Variants in KCNJ4 observed in about 807,000 individuals in gnomAD.
The protein encoded by KCNJ4 is potassium inwardly rectifying channel subfamily J member 4, also known as inward rectifier potassium channel 4.
A neutral mutation model predicts 25.6 loss-of-function variants in KCNJ4; 3 were observed. That is an observed-to-expected ratio of 0.12 (90% CI 0.05 to 0.30). The LOEUF (loss-of-function observed/expected upper bound fraction) is 0.30, where lower values mean the gene tolerates loss of function less well. Ranked by LOEUF, KCNJ4 falls within the 10% of genes least tolerant of loss-of-function variation. KCNJ4 has a pLI of 1.00. For synonymous variants in KCNJ4, 257 were observed against 283.9 expected, an observed-to-expected ratio of 0.91 and a Z score of 0.95; for missense variants, 286 against 666.8, an observed-to-expected ratio of 0.43 and a Z score of 6.29.
intron 1 of KCNJ4, among the ~76,000 whole-genome samples, chr22:38,445,023 C>G (rs974359100): frequency 3.9e-5 from 6 of 152,118 alleles, no homozygotes; most frequent in Non-Finnish European, 7.3e-5. Context: ...AAGTCACAAA[C>G]CGGCTTTGCT....
At chr22:38,428,274 C>T (rs1375436638) in intron 1 of KCNJ4, 103 bp from the exon 2 acceptor site, 6 of 1,108,296 alleles carry the variant, frequency 5.4e-6, no homozygotes, top group Non-Finnish European at 7.7e-6. Context: ...TGAGCCTGGA[C>T]CAGGACCTAA....
chr22:38,446,191 GC>G (rs2089373337), intron 1 of KCNJ4, among the ~76,000 whole-genome samples: 1 of 152,242 alleles, frequency 6.6e-6, no homozygotes, highest in South Asian at 2.1e-4. Flanking sequence ...TGATGTAGCT[GC>G]TAAGTGGGGC....
chr22:38,434,639 A>G (rs1229512688), intron 1 of KCNJ4, among the ~76,000 whole-genome samples: 1 of 151,970 alleles, frequency 6.6e-6, no homozygotes, highest in African/African-American at 2.4e-5. Context: ...CACCCTGCTC[A>G]ACCTGGGACC....
chr22:38,447,510 G>T (rs1342534476), intron 1 of KCNJ4, among the ~76,000 whole-genome samples: 1 of 152,152 alleles, frequency 6.6e-6, no homozygotes, highest in African/African-American at 2.4e-5. Context: ...CTCCCAGGCT[G>T]AGTGGTACCT....
intron 1 of KCNJ4, among the ~76,000 whole-genome samples, chr22:38,439,435 T>C (rs1252364982): frequency 6.8e-6 from 1 of 146,510 alleles, no homozygotes; most frequent in African/African-American, 2.5e-5. Flanking sequence ...CCGTCTCAAA[T>C]AAATAAAATA....
rs112128641 is a variant in KCNJ4 at position 38,427,575 on chromosome 22, C to A, written c.558G>T (p.Leu186=). The A allele has an allele frequency of 7.5e-5, 121 of 1,611,380 alleles. No individual in the cohort carries two copies. The highest frequency in any genetic ancestry group is 9.5e-5 in the Non-Finnish European group (112 of 1,178,430). ...CCGAAATGACCGCGTGGTGGCTGAA[C>A]AGCAACGTCTGCGCCCGCTTCTTGG... is the stretch of plus-strand genomic sequence containing the variant. ...ARPKKRAQTL[L]FSHHAVISVR... is the part of the protein sequence containing the mutation. The change falls in exon 2 of 2, where the codon CTG becomes CTT. Residue 186 remains leucine (L), a synonymous_variant. Transcript: ENST00000303592.
intron 1 of KCNJ4, among the ~76,000 whole-genome samples, chr22:38,448,086 A>G (rs1164897158): frequency 6.6e-6 from 1 of 150,456 alleles, no homozygotes; most frequent in East Asian, 1.9e-4. Context: ...AAAAGAAAAG[A>G]AAAGAAAAAA....
At chr22:38,445,840 G>A (rs2089370622) in intron 1 of KCNJ4, among the ~76,000 whole-genome samples, 1 of 152,194 alleles carries the variant, frequency 6.6e-6, no homozygotes, top group East Asian at 1.9e-4. Context: ...GTTAGGAGCG[G>A]TGAAATGGGA....
At chr22:38,433,456 A>G (rs2093056225) in intron 1 of KCNJ4, among the ~76,000 whole-genome samples, 1 of 152,228 alleles carries the variant, frequency 6.6e-6, no homozygotes, top group Admixed American at 6.6e-5. Context: ...CAAAAAATAA[A>G]TAAATAAAAA....
chr22:38,454,609 C>A (rs1031289572), intron 1 of KCNJ4, among the ~76,000 whole-genome samples: 1 of 152,090 alleles, frequency 6.6e-6, no homozygotes, highest in African/African-American at 2.4e-5. Flanking sequence ...GGCGGAAAGG[C>A]GGCATCCCCC....
intron 1 of KCNJ4, among the ~76,000 whole-genome samples, chr22:38,454,169 C>A (rs1484378311): frequency 6.6e-6 from 1 of 152,182 alleles, no homozygotes; most frequent in African/African-American, 2.4e-5. Flanking sequence ...GCTCTTGAGG[C>A]CCTGCTCTGT....
In KCNJ4 at chr22:38,443,281, C is replaced by T. The variant is rs2089350100; in HGVS notation, c.-40+11699G>A. ...TGCAGTGCCCAGCTCCGCCATCCCACCTCCCTTCTCTTCTCCCCAGTCCTG... is the reference window on the plus strand; with the variant it reads ...TGCAGTGCCCAGCTCCGCCATCCCATCTCCCTTCTCTTCTCCCCAGTCCTG... On this transcript the variant is annotated intron_variant, in intron 1 of 1. Coordinates refer to ENST00000303592, the MANE Select transcript of KCNJ4 (RefSeq NM_152868.3). This position sits in a 1 kb window ranked among gnomAD's most constrained non-coding sequence, Gnocchi z 4.1. 6.6e-6 allele frequency among the ~76,000 whole-genome samples: 1 copy of T among 152,144 alleles called. No individual in the cohort carries two copies. Among genetic ancestry groups the T allele is most frequent in the African/African-American group, 2.4e-5 (1 of 41,420 alleles).
intron 1 of KCNJ4, among the ~76,000 whole-genome samples, chr22:38,434,648 C>A (rs755793493): frequency 1.3e-5 from 2 of 152,108 alleles, no homozygotes; most frequent in South Asian, 2.1e-4. Context: ...CAACCTGGGA[C>A]CCCCAGGCTC....
chr22:38,446,845 A>G (rs1204451048), intron 1 of KCNJ4, among the ~76,000 whole-genome samples: 1 of 151,910 alleles, frequency 6.6e-6, no homozygotes, highest in Non-Finnish European at 1.5e-5. Flanking sequence ...AGTCCTAGCT[A>G]CTTGGGAGGC....
chr22:38,444,332 T>G (rs17753650), intron 1 of KCNJ4, among the ~76,000 whole-genome samples: 8,169 of 152,262 alleles, frequency 0.054, 344 homozygotes, highest in Non-Finnish European at 0.087. Context: ...TGTGACACAT[T>G]GTGACCAAGG....
At chr22:38,440,055 C>T (rs1158382830) in intron 1 of KCNJ4, among the ~76,000 whole-genome samples, 1 of 147,856 alleles carries the variant, frequency 6.8e-6, no homozygotes, top group East Asian at 2.0e-4. Flanking sequence ...CGCGCCACTG[C>T]ACACTGCACT....
rs775867948 is a variant in KCNJ4 at position 38,426,924 on chromosome 22, C to T, written c.1209G>A (p.Leu403=). Residue 403 remains leucine, a synonymous_variant, in exon 2 of 2, where the codon CTG becomes CTA. Coordinates refer to ENST00000303592, the MANE Select transcript of KCNJ4 (RefSeq NM_152868.3). ...CCGCCTCCTCCTTGGAACCCGCCTCCAGGCCCAGGCCTGCGGCCACCGCGG... is the reference window on the plus strand; with the variant it reads ...CCGCCTCCTCCTTGGAACCCGCCTCTAGGCCCAGGCCTGCGGCCACCGCGG... ...AAAAVAAGLG[L]EAGSKEEAGI... 2.2e-5 allele frequency: 35 copies of T among 1,612,646 alleles called. No homozygotes were observed. The East Asian group carries it at 7.8e-4, about 36-fold the overall frequency.
At chr22:38,432,534 C>T (rs1157172436) in intron 1 of KCNJ4, among the ~76,000 whole-genome samples, 1 of 152,100 alleles carries the variant, frequency 6.6e-6, no homozygotes. Context: ...AGGTCCTCCT[C>T]CAATTAAGGG....
chr22:38,453,764 C>A (rs532100749), intron 1 of KCNJ4, among the ~76,000 whole-genome samples: 18 of 152,314 alleles, frequency 1.2e-4, no homozygotes, highest in Non-Finnish European at 2.1e-4. Context: ...GAATGGAGGA[C>A]ATATGAGACC....
Sources: gnomAD v4.1 joint callset for allele counts (sites outside exome capture counted in the v4.1 genomes callset) on GRCh38, gnomAD v4.1.1 for gene constraint, Gnocchi (gnomAD v3.1) non-coding constraint, MANE v1.5 for transcripts, NCBI Gene and HGNC (gene_info 2026-07-23, HGNC 2026-07-21) for gene names.